Variants in ADGRF5 observed in about 807,000 individuals in gnomAD.
ADGRF5 encodes G-protein coupled receptor 116.
ADGRF5 carries 75 observed loss-of-function variants against 132.3 expected under a neutral mutation model. The observed-to-expected ratio is 0.57, with a 90% CI of 0.47 to 0.69. ADGRF5 has a LOEUF of 0.69. Ranked by LOEUF, ADGRF5 falls within the 30% of genes least tolerant of loss-of-function variation. The probability of loss-of-function intolerance (pLI) is 0.00; values close to 1 mark genes in which losing one functional copy is unlikely to be tolerated. For missense variants in ADGRF5, 1,516 were observed against 1,630.6 expected, an observed-to-expected ratio of 0.93 and a Z score of 1.21; for synonymous variants, 629 against 597.6, an observed-to-expected ratio of 1.05 and a Z score of -0.77.
At position 46,878,330 on chromosome 6, in the gene ADGRF5, T is replaced by C. The variant is rs570053956; in HGVS notation, c.1112A>G (p.Gln371Arg). The change falls in exon 10 of 21, where the codon CAA becomes CGA. Residue 371 changes from glutamine (Q) to arginine (R), a missense_variant. Gln to Arg is a conservative substitution (Grantham distance 43). Around this residue, in one of 2 missense-constraint regions of ADGRF5, gnomAD observed 945 missense variants for 929.4 expected, o/e 1.02. Transcript: ENST00000283296. ...CTTCATTTCTTCATTTGCCAAAATT[T>C]GGATGGGCATAACATCTATTTTCTT... ...CKKKIDVMPI[Q>R]ILANEEMKVM... The C allele has an allele frequency of 3.6e-5, 58 of 1,613,248 alleles. 2 individuals carry two copies. The South Asian group carries it at 5.7e-4, about 16-fold the overall frequency.
intron 10 of ADGRF5, among the ~76,000 whole-genome samples, chr6:46,876,762 C>A (rs955619664): frequency 2.6e-5 from 4 of 152,134 alleles, no homozygotes; most frequent in African/African-American, 7.2e-5. Flanking sequence ...CACCACCACA[C>A]CTAGCTAATT....
At chr6:46,932,807 G>A (rs1456755480) in intron 1 of ADGRF5, among the ~76,000 whole-genome samples, 2 of 152,118 alleles carry the variant, frequency 1.3e-5, no homozygotes, top group African/African-American at 4.8e-5. Flanking sequence ...TAATAATCGT[G>A]TCCCTATACT....
At chr6:46,902,171 T>C (rs1447313759) in intron 2 of ADGRF5, among the ~76,000 whole-genome samples, 1 of 152,234 alleles carries the variant, frequency 6.6e-6, no homozygotes, top group Non-Finnish European at 1.5e-5. Flanking sequence ...CCAGCCCAGC[T>C]TCCCTTGGAG....
intron 1 of ADGRF5, among the ~76,000 whole-genome samples, chr6:46,949,012 G>T (rs186195269): frequency 2.6e-5 from 4 of 152,112 alleles, no homozygotes; most frequent in African/African-American, 7.2e-5. Context: ...AGGCTGATGC[G>T]CATCTAAAAA....
At chr6:46,915,991 T>G (rs1228587616) in intron 1 of ADGRF5, among the ~76,000 whole-genome samples, 2 of 152,090 alleles carry the variant, frequency 1.3e-5, no homozygotes, top group African/African-American at 2.4e-5. Flanking sequence ...AGCTTATGCC[T>G]TTTCTCCTTC....
At chr6:46,882,204 C>T in intron 6 of ADGRF5, 97 bp from the exon 7 acceptor site, 2 of 826,390 alleles carry the variant, frequency 2.4e-6, no homozygotes, top group Admixed American at 1.7e-5. Flanking sequence ...TTCCTAATCA[C>T]ACTAGGTAAA....
intron 1 of ADGRF5, among the ~76,000 whole-genome samples, chr6:46,935,581 A>C (rs1377067946): frequency 6.6e-6 from 1 of 152,188 alleles, no homozygotes; most frequent in African/African-American, 2.4e-5. Context: ...TATCAAATAA[A>C]AGTGGAGAGA....
rs1034936497 is a variant in ADGRF5, at chr6:46,869,694, T to A, written c.1412-602A>T. ...GTGAATTCTGGAACTACATTTTAAGTACAAGAATCATAGCCTGTATTGCCC... is the reference window on the plus strand; with the variant it reads ...GTGAATTCTGGAACTACATTTTAAGAACAAGAATCATAGCCTGTATTGCCC... On this transcript the variant is annotated intron_variant, in intron 11 of 20. Transcript: ENST00000283296. 7.2e-5 allele frequency among the ~76,000 whole-genome samples: 11 copies of A among 152,302 alleles called. No homozygotes were observed. In the South Asian group the frequency reaches 8.3e-4, roughly 11 times the overall value.
intron 1 of ADGRF5, among the ~76,000 whole-genome samples, chr6:46,931,235 C>A (rs956209830): frequency 1.3e-5 from 2 of 152,160 alleles, no homozygotes; most frequent in African/African-American, 4.8e-5. Context: ...CATAGAGTAT[C>A]TCTTTGACAT....
chr6:46,908,962 C>A (rs146668230), intron 1 of ADGRF5: 1 of 152,130 alleles, frequency 6.6e-6, no homozygotes, highest in Non-Finnish European at 1.5e-5. Flanking sequence ...AACAGTGACA[C>A]GAGCTGAAAT....
In ADGRF5 at chr6:46,868,872, C is replaced by A; in HGVS notation, c.1621+11G>T. 1.3e-6 allele frequency: 2 copies of A among 1,574,822 alleles called. No homozygotes were observed. Among genetic ancestry groups the A allele is most frequent in the Non-Finnish European group, 1.7e-6 (2 of 1,145,440 alleles). ...CAGGCAGCACAATACGGTGTCCGGC[C>A]TTTCACTCACCATTCCACTCCCTGG... On this transcript the variant is annotated intron_variant, in intron 12 of 20. Transcript: ENST00000283296.
chr6:46,905,613 C>T (rs569623036), intron 2 of ADGRF5, among the ~76,000 whole-genome samples: 122 of 151,972 alleles, frequency 8.0e-4, no homozygotes, highest in African/African-American at 2.8e-3. Flanking sequence ...GGACAAAAAT[C>T]GGGCAAACAC....
intron 6 of ADGRF5, among the ~76,000 whole-genome samples, chr6:46,882,734 C>T (rs1030499011): frequency 1.2e-4 from 19 of 152,212 alleles, no homozygotes; most frequent in African/African-American, 4.3e-4. Context: ...GAGGGTTCTC[C>T]TGCTGTGCAG....
rs115874897 is a variant in ADGRF5, at chr6:46,901,930, G to A, written c.103-1847C>T. Among the ~76,000 whole-genome samples the A allele has an allele frequency of 3.0e-3, 452 of 152,112 alleles. 3 individuals carry two copies. Among genetic ancestry groups the A allele is most frequent in the African/African-American group, 9.6e-3 (397 of 41,498 alleles). On this transcript the variant is annotated intron_variant, in intron 2 of 20. Transcript: ENST00000283296. ...CATGTAAGGTTTACCTGTTCCCCTC[G>A]CTGATGCCCTTAGGAGGTACTGGTT...
At chr6:46,932,929 A>G (rs899834695) in intron 1 of ADGRF5, among the ~76,000 whole-genome samples, 2 of 152,210 alleles carry the variant, frequency 1.3e-5, no homozygotes, top group African/African-American at 4.8e-5. Flanking sequence ...AGAAATCTGA[A>G]AAAAGACTGG....
chr6:46,952,075 A>G (rs893633044), intron 1 of ADGRF5, among the ~76,000 whole-genome samples: 5 of 151,698 alleles, frequency 3.3e-5, no homozygotes, highest in Admixed American at 6.6e-5. Flanking sequence ...CACTTGAAAA[A>G]CTCAAGGTTC....
intron 1 of ADGRF5, among the ~76,000 whole-genome samples, chr6:46,917,199 C>A (rs1421651149): frequency 6.6e-6 from 1 of 152,226 alleles, no homozygotes; most frequent in Non-Finnish European, 1.5e-5. Context: ...CTTGGCTAAA[C>A]AAACACACTT....
At chr6:46,906,309 C>T (rs989400892) in intron 2 of ADGRF5, among the ~76,000 whole-genome samples, 19 of 152,166 alleles carry the variant, frequency 1.2e-4, no homozygotes, top group Non-Finnish European at 2.4e-4. Context: ...TTCAAATCTG[C>T]TTTGTTGTTA....
chr6:46,871,690 C>T (rs796757540), intron 11 of ADGRF5, among the ~76,000 whole-genome samples, 153 bp downstream of exon 11: 9 of 152,210 alleles, frequency 5.9e-5, no homozygotes, highest in African/African-American at 2.2e-4. Flanking sequence ...GAGAGAAATC[C>T]TTTTCTATCT....
Sources: gnomAD v4.1 joint callset for allele counts (sites outside exome capture counted in the v4.1 genomes callset) on GRCh38, gnomAD v4.1.1 for gene constraint, gnomAD v4.1.1 regional missense constraint, MANE v1.5 for transcripts, NCBI Gene and HGNC (gene_info 2026-07-23, HGNC 2026-07-21) for gene names.